ELN: variants seen among roughly 807,000 people sequenced by gnomAD.
ELN encodes tropoelastin.
ELN carries 65 observed loss-of-function variants against 105.8 expected under a neutral mutation model. The observed-to-expected ratio is 0.61, with a 90% CI of 0.50 to 0.75. ELN has a LOEUF of 0.75. Ranked by LOEUF, ELN falls within the 30% of genes least tolerant of loss-of-function variation. The pLI is 0.00. For missense variants in ELN, 882 were observed against 969.4 expected (o/e 0.91, Z 1.20); for synonymous variants, 368 against 389.2 (o/e 0.95, Z 0.64).
In ELN at chr7:74,035,390, G is replaced by A. The variant is rs368112890; in HGVS notation, c.109G>A (p.Val37Ile). 3 of 1,614,018 alleles carry A rather than the reference G, an allele frequency of 1.9e-6. No individual in the cohort carries two copies. Among genetic ancestry groups the A allele is most frequent in the African/African-American group, 2.7e-5 (2 of 74,910 alleles). ...GGVPGAIPGG[V>I]PGGVFYPGAG... Reference sequence around the variant, plus strand: ...GGTCCCTGGGGCCATTCCTGGTGGAGTTCCTGGAGGAGTCTTTTATCCAGG... The same window carrying A: ...GGTCCCTGGGGCCATTCCTGGTGGAATTCCTGGAGGAGTCTTTTATCCAGG... Residue 37 changes from valine to isoleucine, a missense_variant, in exon 2 of 33, where the codon GTT becomes ATT. Physicochemically the swap from Val to Ile is conservative, Grantham distance 29. Transcript: ENST00000252034.
At position 74,068,789 on chromosome 7, in the gene ELN, C is replaced by G; in HGVS notation, c.*89C>G. Reference sequence around the variant, plus strand: ...AAACCCTTTGTAACCCCATCCCATGCCCCTCCGACTCCCCACCCCAGGAGG... The same window carrying G: ...AAACCCTTTGTAACCCCATCCCATGGCCCTCCGACTCCCCACCCCAGGAGG... On this transcript the variant is annotated 3_prime_UTR_variant, in exon 33 of 33. Transcript: ENST00000252034. 1 of 1,503,516 alleles carries G rather than the reference C, an allele frequency of 6.7e-7. No homozygotes were observed. The highest frequency in any genetic ancestry group is 1.4e-5 in the African/African-American group (1 of 72,672). The allele number at this position is 1,503,516 out of a possible 1,614,324, so 93.1% of individuals were successfully genotyped here.
chr7:74,035,628 G>A, intron 2 of ELN: 3 of 649,594 alleles, frequency 4.6e-6, no homozygotes, highest in Non-Finnish European at 8.3e-6. Flanking sequence ...TCAACACTCT[G>A]GGAGGCAGAG....
At chr7:74,036,047 T>C (rs1584490324) in intron 2 of ELN, among the ~76,000 whole-genome samples, 1 of 152,026 alleles carries the variant, frequency 6.6e-6, no homozygotes, top group Admixed American at 6.6e-5. Flanking sequence ...TCCCAGCACT[T>C]TGGGAGGCTG....
intron 1 of ELN, among the ~76,000 whole-genome samples, chr7:74,031,181 C>A (rs1563747343): frequency 6.6e-6 from 1 of 152,182 alleles, no homozygotes; most frequent in Non-Finnish European, 1.5e-5. Flanking sequence ...CTACATGTGA[C>A]TTGGGGTCAG....
At chr7:74,034,520 G>A (rs1169340249) in intron 1 of ELN, among the ~76,000 whole-genome samples, 1 of 152,046 alleles carries the variant, frequency 6.6e-6, no homozygotes, top group African/African-American at 2.4e-5. Context: ...CCAGCCTGGG[G>A]AACATACTGA....
At chr7:74,056,130 C>T (rs1795176467) in intron 19 of ELN, 141 bp from the exon 20 acceptor site, 2 of 1,111,006 alleles carry the variant, frequency 1.8e-6, no homozygotes, top group East Asian at 2.4e-5. Flanking sequence ...GCTGGGGACC[C>T]AGGCATCCCA....
chr7:74,051,856 C>T lies in ELN; in HGVS notation c.889+17C>T. On this transcript the variant is annotated intron_variant, in intron 16 of 32. Coordinates refer to ENST00000252034, the MANE Select transcript of ELN (RefSeq NM_000501.4). ...GCATCGCAGGTAACATCTGTCCCAG[C>T]AGGGGGCGGGTGTGTCCTTGAGATG... 2 of 1,614,180 alleles carry T rather than the reference C, an allele frequency of 1.2e-6. No individual in the cohort carries two copies. Among genetic ancestry groups the T allele is most frequent in the Non-Finnish European group, 1.7e-6 (2 of 1,180,014 alleles).
At chr7:74,064,370 G>C (rs551560996) in intron 29 of ELN, among the ~76,000 whole-genome samples, 2 of 149,288 alleles carry the variant, frequency 1.3e-5, no homozygotes, top group South Asian at 2.1e-4. Flanking sequence ...AGCCGAGATC[G>C]CGCCACTGCA....
At position 74,063,715 on chromosome 7, in the gene ELN, C is replaced by T. The variant is rs1243201459; in HGVS notation, c.1993+20C>T. ...TTGGAGGTGAGAGTTGTTCTGAAAT[C>T]AGTGAGTGTGTGTGGTGTGTGTATG... On this transcript the variant is annotated intron_variant, in intron 29 of 32. Coordinates refer to ENST00000252034, the MANE Select transcript of ELN (RefSeq NM_000501.4). The surrounding 1 kb of genome is among the most constrained non-coding windows in gnomAD (Gnocchi z 4.1). 4 of 1,614,046 alleles carry T rather than the reference C, an allele frequency of 2.5e-6. No individual in the cohort carries two copies. The highest frequency in any genetic ancestry group is 3.4e-6 in the Non-Finnish European group (4 of 1,180,000).
chr7:74,068,727 C>T lies in ELN; in HGVS notation c.*27C>T. The T allele has an allele frequency of 6.2e-7, 1 of 1,613,720 alleles. No individual in the cohort carries two copies. Among genetic ancestry groups the T allele is most frequent in the Non-Finnish European group, 8.5e-7 (1 of 1,179,718 alleles). ...CTTCCTAGGACCCCTGACTCACGAC[C>T]TCATCAACGTTGGTGCTACTGCTTG... On this transcript the variant is annotated 3_prime_UTR_variant, in exon 33 of 33. Coordinates refer to ENST00000252034, the MANE Select transcript of ELN (RefSeq NM_000501.4).
At chr7:74,060,253 G>A in intron 24 of ELN, 69 bp downstream of exon 24, 1 of 1,613,836 alleles carries the variant, frequency 6.2e-7, no homozygotes, top group Non-Finnish European at 8.5e-7. Context: ...CAACAGCCAG[G>A]GAGGAGGCCG....
chr7:74,040,278 G>A (rs1790886980), intron 4 of ELN, among the ~76,000 whole-genome samples: 2 of 152,234 alleles, frequency 1.3e-5, no homozygotes, highest in Non-Finnish European at 2.9e-5. Flanking sequence ...CTTGAGAGAA[G>A]CGACTGCCAG....
chr7:74,039,934 G>C (rs1554667507), intron 4 of ELN, among the ~76,000 whole-genome samples: 1 of 152,216 alleles, frequency 6.6e-6, no homozygotes, highest in Non-Finnish European at 1.5e-5. Context: ...AAGGAGGATG[G>C]AGCTGGCCAG....
intron 17 of ELN, 172 bp from the exon 18 acceptor site, chr7:74,052,991 C>A: frequency 2.3e-6 from 2 of 854,140 alleles, no homozygotes; most frequent in South Asian, 1.6e-5. Context: ...TCTTTAGGGA[C>A]CCTCTTAGTC....
intron 1 of ELN, among the ~76,000 whole-genome samples, chr7:74,032,252 G>C (rs1238703220): frequency 6.6e-6 from 1 of 152,158 alleles, no homozygotes; most frequent in Non-Finnish European, 1.5e-5. Flanking sequence ...TGTTCTCCAG[G>C]CCAACTGCTT....
At chr7:74,048,358 C>G in intron 14 of ELN, 145 bp from the exon 15 acceptor site, 1 of 1,472,664 alleles carries the variant, frequency 6.8e-7, no homozygotes, top group Non-Finnish European at 9.5e-7. Context: ...AGGAGTGGGG[C>G]AGCTCCATCA....
rs1469217967 is a variant in ELN at position 74,063,658 on chromosome 7, C to G, written c.1956C>G (p.Val652=). 6.2e-7 allele frequency: 1 copy of G among 1,613,546 alleles called. No individual in the cohort carries two copies. The highest frequency in any genetic ancestry group is 8.5e-7 in the Non-Finnish European group (1 of 1,179,706). Residue 652 remains valine (V), a synonymous_variant, in exon 29 of 33, where the codon GTC becomes GTG. Coordinates refer to ENST00000252034, the MANE Select transcript of ELN (RefSeq NM_000501.4). This position sits in a 1 kb window ranked among gnomAD's most constrained non-coding sequence, Gnocchi z 4.1. ...CCGCTGGGCTCGGAGGACTCGGAGTCGGAGGGCTTGGAGTTCCAGGTGTTG... is the reference window on the plus strand; with the variant it reads ...CCGCTGGGCTCGGAGGACTCGGAGTGGGAGGGCTTGGAGTTCCAGGTGTTG... ...VGAAGLGGLG[V]GGLGVPGVGG...
intron 30 of ELN, 38 bp downstream of exon 30, chr7:74,065,770 C>T: frequency 6.2e-7 from 1 of 1,613,752 alleles, no homozygotes. Flanking sequence ...CAGTGGCCTG[C>T]ACCCCCTGCC....
intron 6 of ELN, 59 bp from the exon 7 acceptor site, chr7:74,042,925 G>T (rs28763981): frequency 6.2e-7 from 1 of 1,613,670 alleles, no homozygotes; most frequent in East Asian, 2.2e-5. Context: ...ATGCAGCCCC[G>T]GGCCCTTCTG....
Sources: allele counts gnomAD v4.1 joint callset (sites outside exome capture counted in the v4.1 genomes callset), GRCh38; gene constraint gnomAD v4.1.1; non-coding constraint Gnocchi (gnomAD v3.1); transcripts MANE v1.5; gene names NCBI Gene and HGNC (gene_info 2026-07-23, HGNC 2026-07-21).